Variants in SLC17A9 observed in about 807,000 individuals in gnomAD.
SLC17A9 encodes solute carrier family 17 member 9.
Under a neutral mutation model 55.0 loss-of-function variants are expected in SLC17A9, and 49 were observed. The ratio of observed to expected loss-of-function variants is 0.89; its 90% confidence interval spans 0.71 to 1.13. The LOEUF is 1.13. Among genes scored for constraint, SLC17A9 ranks in the 50% most tolerant of loss-of-function variants. SLC17A9 has a pLI of 0.00. For synonymous variants in SLC17A9, 256 were observed against 247.4 expected (o/e 1.03, Z -0.32); for missense variants, 526 against 569.3 (o/e 0.92, Z 0.77).
intron 6 of SLC17A9, 50 bp from the exon 7 acceptor site, chr20:62,963,534 C>A (rs752401724): frequency 1.3e-6 from 2 of 1,554,436 alleles, no homozygotes; most frequent in South Asian, 2.4e-5. Flanking sequence ...CCCACAGGCC[C>A]GGCCAGCTCG....
intron 1 of SLC17A9, among the ~76,000 whole-genome samples, chr20:62,955,421 C>CA (rs1481081056): frequency 6.6e-6 from 1 of 152,126 alleles, no homozygotes; most frequent in Non-Finnish European, 1.5e-5. Flanking sequence ...GCTGGGATTA[C>CA]AGGCGTGAGC....
chr20:62,968,055 AG>A lies in SLC17A9; in HGVS notation c.*556del, dbSNP rs2065656258. ...CACCCACCCCTAGCCAGCAGCTCCC[AG>A]TCAGACAACAGCCAGAAATGTCTCC... On this transcript the variant is annotated 3_prime_UTR_variant, in exon 13 of 13. Coordinates refer to ENST00000370351, the MANE Select transcript of SLC17A9 (RefSeq NM_022082.4). The A allele has an allele frequency of 1.3e-5, 2 of 153,586 alleles. No homozygotes were observed. The highest frequency in any genetic ancestry group is 4.1e-4 in the South Asian group (2 of 4,884). 9.5% of individuals were successfully genotyped at this position (153,586 alleles called of 1,614,324 possible). A position where few individuals can be genotyped will look rare whatever the true frequency, so the allele number is the denominator to read the frequency against.
Position 62,963,777 on chromosome 20 carries a change from A to G in SLC17A9, c.822+97A>G. The stretch of plus-strand genomic sequence containing the variant: ...GGGTCCTTGGCCTGCAGATGGTGGA[A>G]CCCTCGGCTCCTCCTGGACTCTGAG... On this transcript the variant is annotated intron_variant, in intron 7 of 12. Coordinates refer to ENST00000370351, the MANE Select transcript of SLC17A9 (RefSeq NM_022082.4). The G allele has an allele frequency of 9.7e-6, 11 of 1,136,926 alleles. No individual in the cohort carries two copies. The South Asian group carries it at 1.4e-4, about 14-fold the overall frequency. The allele number at this position is 1,136,926 out of a possible 1,614,324, so 70.4% of individuals were successfully genotyped here.
intron 1 of SLC17A9, among the ~76,000 whole-genome samples, chr20:62,956,194 G>A (rs112955168): frequency 3.1e-4 from 47 of 152,340 alleles, no homozygotes; most frequent in African/African-American, 9.1e-4. Context: ...GTCAGTGCCC[G>A]ACTTGGTGGT....
Position 62,964,286 on chromosome 20 carries a change from G to A in SLC17A9, c.881G>A (p.Gly294Glu). The change falls in exon 8 of 13, where the codon GGG becomes GAG. Residue 294 changes from glycine to glutamate, a missense_variant. Coordinates refer to ENST00000370351, the MANE Select transcript of SLC17A9 (RefSeq NM_022082.4). ...GCGATTCCGGCCAGTCTATTCAGCG[G>A]GTTTCTCTCTGATCATCTCATCAAT... ...LVAIPASLFSGFLSDHLINQG... is the reference protein window; with the variant it reads ...LVAIPASLFSEFLSDHLINQG... 2 of 1,614,186 alleles carry A rather than the reference G, an allele frequency of 1.2e-6. No homozygotes were observed. The highest frequency in any genetic ancestry group is 1.7e-6 in the Non-Finnish European group (2 of 1,180,010).
In SLC17A9 at chr20:62,962,707, CCTTG is replaced by C; in HGVS notation, c.585_588del (p.Leu195PhefsTer11). ...ATCTTCTATTTCTCCGGCGGCCTCA[CCTTG>C]CTTTGGGTGTGGTACGTGTACAGGT... On this transcript the variant is annotated frameshift_variant, in exon 5 of 13. Transcript: ENST00000370351. LOFTEE classifies it high-confidence loss of function. The surrounding 1 kb of genome is among the most constrained non-coding windows in gnomAD (Gnocchi z 5.5). The C allele has an allele frequency of 6.2e-7, 1 of 1,614,098 alleles. No individual in the cohort carries two copies. Among genetic ancestry groups the C allele is most frequent in the Non-Finnish European group, 8.5e-7 (1 of 1,179,970 alleles).
chr20:62,967,501 C>T lies in SLC17A9; in HGVS notation c.*1C>T, dbSNP rs1257382227. The T allele has an allele frequency of 1.2e-6, 2 of 1,613,068 alleles. No individual in the cohort carries two copies. Among genetic ancestry groups the T allele is most frequent in the Non-Finnish European group, 1.7e-6 (2 of 1,179,380 alleles). On this transcript the variant is annotated 3_prime_UTR_variant, in exon 13 of 13. Coordinates refer to ENST00000370351, the MANE Select transcript of SLC17A9 (RefSeq NM_022082.4). ...GAGCTCTACCCATGAGGACCTCTAG[C>T]TCCCAACCCCACAGCCTCTCCAAGG...
rs2065661943 is a variant in SLC17A9 at position 62,968,946 on chromosome 20, C to T, written c.*1446C>T. On this transcript the variant is annotated 3_prime_UTR_variant, in exon 13 of 13. Transcript: ENST00000370351. ...AGTTTTGCACTTGAGCACAAATGTT[C>T]CCCTACAATCTCTCCAGTTTCGGTC... 1 of 152,244 alleles carries T rather than the reference C, an allele frequency of 6.6e-6. No homozygotes were observed. Among genetic ancestry groups the T allele is most frequent in the Non-Finnish European group, 1.5e-5 (1 of 68,060 alleles). 9.4% of individuals were successfully genotyped at this position (152,244 alleles called of 1,614,324 possible). A position where few individuals can be genotyped will look rare whatever the true frequency, so the allele number is the denominator to read the frequency against.
At position 62,967,614 on chromosome 20, in the gene SLC17A9, C is replaced by G; in HGVS notation, c.*114C>G. ...TCAGACACACGAGCAGAGAGGAACA[C>G]AAACCACTGTGGAGCCTGAAGCTCC... On this transcript the variant is annotated 3_prime_UTR_variant, in exon 13 of 13. Coordinates refer to ENST00000370351, the MANE Select transcript of SLC17A9 (RefSeq NM_022082.4). The G allele has an allele frequency of 1.1e-6, 1 of 896,540 alleles. No individual in the cohort carries two copies. The highest frequency in any genetic ancestry group is 1.5e-6 in the Non-Finnish European group (1 of 671,672). 55.5% of individuals were successfully genotyped at this position (896,540 alleles called of 1,614,324 possible). A position where few individuals can be genotyped will look rare whatever the true frequency, so the allele number is the denominator to read the frequency against.
rs1315939240 is a variant in SLC17A9 at position 62,958,466 on chromosome 20, C to T, written c.397+886C>T. ...TGAGGGGCCCCTACTTGGCTGGGGT[C>T]CCCTGGAGAAACAGCCAGGCCTCCA... On this transcript the variant is annotated intron_variant, in intron 3 of 12. Transcript: ENST00000370351. The surrounding 1 kb of genome is among the most constrained non-coding windows in gnomAD (Gnocchi z 4.1). Among the ~76,000 whole-genome samples the T allele has an allele frequency of 6.6e-6, 1 of 152,024 alleles. No homozygotes were observed. The highest frequency in any genetic ancestry group is 2.4e-5 in the African/African-American group (1 of 41,386).
In SLC17A9 at chr20:62,957,770, C is replaced by T. The variant is rs555775490; in HGVS notation, c.397+190C>T. 3.5e-5 allele frequency among the ~76,000 whole-genome samples: 5 copies of T among 141,688 alleles called. 1 individual carries two copies. The East Asian group carries it at 6.5e-4, about 18-fold the overall frequency. The allele number at this position is 141,688 out of a possible 152,430, so 93.0% of individuals were successfully genotyped here. ...TGTGTAAGTGTGTGTATGGCATGCC[C>T]GCGTGCATGCGTGCACCTGTGTGTG... On this transcript the variant is annotated intron_variant, in intron 3 of 12. Coordinates refer to ENST00000370351, the MANE Select transcript of SLC17A9 (RefSeq NM_022082.4).
In SLC17A9 at chr20:62,968,416, AAC is replaced by A. The variant is rs1460025410; in HGVS notation, c.*922_*923del. 1.3e-5 allele frequency: 2 copies of A among 152,228 alleles called. No homozygotes were observed. The highest frequency in any genetic ancestry group is 4.8e-5 in the African/African-American group (2 of 41,462). 9.4% of individuals were successfully genotyped at this position (152,228 alleles called of 1,614,324 possible). ...CGGGGGCGGGCCCCACGCACCCCAG[AAC>A]ACACAGACCCACCTTTCTGGCGTTC... On this transcript the variant is annotated 3_prime_UTR_variant, in exon 13 of 13. Transcript: ENST00000370351.
intron 1 of SLC17A9, among the ~76,000 whole-genome samples, chr20:62,955,345 A>G (rs2147643875): frequency 6.6e-6 from 1 of 152,060 alleles, no homozygotes; most frequent in Middle Eastern, 3.4e-3. Flanking sequence ...ATGGGGTTTC[A>G]CCATGTGGGC....
intron 12 of SLC17A9, 199 bp from the exon 13 acceptor site, chr20:62,967,138 G>A: frequency 1.6e-6 from 1 of 636,024 alleles, no homozygotes. Context: ...TGGCCTGTGA[G>A]ATCTCTGCCC....
In SLC17A9 at chr20:62,969,573, A is replaced by G. The variant is rs956200569; in HGVS notation, c.*2073A>G. 2 of 152,226 alleles carry G rather than the reference A, an allele frequency of 1.3e-5. No individual in the cohort carries two copies. Among genetic ancestry groups the G allele is most frequent in the African/African-American group, 2.4e-5 (1 of 41,446 alleles). The allele number at this position is 152,226 out of a possible 1,614,324, so 9.4% of individuals were successfully genotyped here. ...TCTCATTTTTAAGGCTGAATAAAAT[A>G]TTGTGTGGATAAGCCATGTTTTGTG... On this transcript the variant is annotated 3_prime_UTR_variant, in exon 13 of 13. Coordinates refer to ENST00000370351, the MANE Select transcript of SLC17A9 (RefSeq NM_022082.4).
Position 62,967,382 on chromosome 20 carries a change from G to T in SLC17A9, c.1193G>T (p.Gly398Val), listed in dbSNP as rs1339670228. ...GGCGGCTACTTGATGGAGACCACGG[G>T]CTCCTGGACTTGCCTGTTCAACCTT... is the stretch of plus-strand genomic sequence containing the variant. The part of the protein sequence containing the change: ...CLGGYLMETT[G>V]SWTCLFNLVA... Residue 398 changes from glycine to valine, a missense_variant, in exon 13 of 13, where the codon GGC becomes GTC. Gly to Val is a moderately radical substitution (Grantham distance 109, BLOSUM62 -3). Transcript: ENST00000370351. 1 of 1,614,168 alleles carries T rather than the reference G, an allele frequency of 6.2e-7. No individual in the cohort carries two copies. Among genetic ancestry groups the T allele is most frequent in the Non-Finnish European group, 8.5e-7 (1 of 1,180,024 alleles).
intron 2 of SLC17A9, chr20:62,957,240 G>T: frequency 4.1e-6 from 4 of 985,398 alleles, no homozygotes; most frequent in Non-Finnish European, 4.8e-6. Flanking sequence ...AGGCCCCAGG[G>T]CCCTGCAGGC....
At chr20:62,953,964 G>C (rs990684532) in intron 1 of SLC17A9, among the ~76,000 whole-genome samples, 1 of 152,252 alleles carries the variant, frequency 6.6e-6, no homozygotes. Context: ...CAGGCCTGCC[G>C]GGCAGGGCCA....
chr20:62,967,588 G>A lies in SLC17A9; in HGVS notation c.*88G>A. 2.2e-6 allele frequency: 3 copies of A among 1,337,734 alleles called. No homozygotes were observed. Among genetic ancestry groups the A allele is most frequent in the South Asian group, 1.3e-5 (1 of 74,652 alleles). 82.9% of individuals were successfully genotyped at this position (1,337,734 alleles called of 1,614,324 possible). On this transcript the variant is annotated 3_prime_UTR_variant, in exon 13 of 13. Coordinates refer to ENST00000370351, the MANE Select transcript of SLC17A9 (RefSeq NM_022082.4). ...AGTGTGTGGGACTTGGTCACTCCAT[G>A]TCAGACACACGAGCAGAGAGGAACA... is the stretch of plus-strand genomic sequence containing the variant.
Sources: gnomAD v4.1 joint callset for allele counts (sites outside exome capture counted in the v4.1 genomes callset) on GRCh38, gnomAD v4.1.1 for gene constraint, Gnocchi (gnomAD v3.1) non-coding constraint, MANE v1.5 for transcripts, NCBI Gene and HGNC (gene_info 2026-07-23, HGNC 2026-07-21) for gene names.